Variants in TSC1 observed in about 807,000 individuals in gnomAD.
TSC1 encodes the protein TSC complex subunit 1.
In TSC1, 20 loss-of-function variants were observed where a neutral mutation model predicts 124.3. That is an observed-to-expected ratio of 0.16 (90% CI 0.11 to 0.23). The LOEUF (loss-of-function observed/expected upper bound fraction) is 0.23, where lower values mean the gene tolerates loss of function less well. Ranked by LOEUF, TSC1 falls within the 10% of genes least tolerant of loss-of-function variation. The pLI is 1.00. For missense variants in TSC1, 1,124 were observed against 1,448.5 expected, an observed-to-expected ratio of 0.78 and a Z score of 3.64; for synonymous variants, 493 against 539.1, an observed-to-expected ratio of 0.91 and a Z score of 1.19.
rs1845012260 is a variant in TSC1 at position 132,896,008 on chromosome 9, G to A, written c.*227C>T. On this transcript the variant is annotated 3_prime_UTR_variant, in exon 23 of 23. Coordinates refer to ENST00000298552, the MANE Select transcript of TSC1 (RefSeq NM_000368.5). The surrounding 1 kb of genome is among the most constrained non-coding windows in gnomAD (Gnocchi z 4.5). ...GCCCTTGGATTAGAACACACTGCGAGGTAAATGAGAGGGGGTTAGGGCGGG... is the reference window on the plus strand; with the variant it reads ...GCCCTTGGATTAGAACACACTGCGAAGTAAATGAGAGGGGGTTAGGGCGGG... 3 of 611,628 alleles carry A rather than the reference G, an allele frequency of 4.9e-6. No homozygotes were observed. The highest frequency in any genetic ancestry group is 1.9e-5 in the South Asian group (1 of 53,884). The allele number at this position is 611,628 out of a possible 1,614,324, so 37.9% of individuals were successfully genotyped here.
chr9:132,921,215 A>C lies in TSC1; in HGVS notation c.737+148T>G. ...GAAGAGTATGTTTTAAACTCACACA[A>C]ATTTTAGCTGTATGAGTGCTTCCAA... On this transcript the variant is annotated intron_variant, in intron 8 of 22. Transcript: ENST00000298552. The surrounding 1 kb of genome is among the most constrained non-coding windows in gnomAD (Gnocchi z 4.3). 1.2e-6 allele frequency: 1 copy of C among 812,106 alleles called. No individual in the cohort carries two copies. The allele number at this position is 812,106 out of a possible 1,614,324, so 50.3% of individuals were successfully genotyped here.
chr9:132,913,917 T>TA (rs1564491584), intron 8 of TSC1, among the ~76,000 whole-genome samples: 2 of 95,518 alleles, frequency 2.1e-5, no homozygotes, highest in African/African-American at 3.8e-5. Flanking sequence ...TTTTTTTTTT[T>TA]AGACAGAGTC....
chr9:132,914,202 G>A (rs903481524), intron 8 of TSC1, among the ~76,000 whole-genome samples: 1 of 152,028 alleles, frequency 6.6e-6, no homozygotes, highest in African/African-American at 2.4e-5. Context: ...ACCCGGCCAA[G>A]AATATTTTTA....
At chr9:132,941,923 C>T (rs145560899) in intron 1 of TSC1, 3 of 152,332 alleles carry the variant, frequency 2.0e-5, no homozygotes, top group East Asian at 3.9e-4. Flanking sequence ...GACACAGGCT[C>T]ACAGAACTTA....
intron 12 of TSC1, among the ~76,000 whole-genome samples, chr9:132,908,261 C>T (rs1318362374): frequency 1.3e-5 from 2 of 152,004 alleles, no homozygotes; most frequent in Admixed American, 1.3e-4. Flanking sequence ...ACTATATTTC[C>T]CGAAATAAAA....
At chr9:132,897,059 C>A (rs774226754) in intron 22 of TSC1, 125 bp downstream of exon 22, 4 of 1,482,066 alleles carry the variant, frequency 2.7e-6, no homozygotes, top group Non-Finnish European at 2.8e-6. Context: ...GTCTCTGACA[C>A]GGAGTGAGCT....
intron 9 of TSC1, among the ~76,000 whole-genome samples, chr9:132,912,049 A>G (rs1042558395): frequency 2.2e-4 from 34 of 152,216 alleles, no homozygotes; most frequent in Non-Finnish European, 4.3e-4. Flanking sequence ...TGTTGGAGAC[A>G]CGTCACCAAC....
Position 132,906,960 on chromosome 9 carries a change from A to T in TSC1, c.1334-125T>A, listed in dbSNP as rs565831083. The T allele has an allele frequency of 2.5e-6, 2 of 806,970 alleles. No individual in the cohort carries two copies. The highest frequency in any genetic ancestry group is 5.3e-5 in the East Asian group (2 of 37,952). The allele number at this position is 806,970 out of a possible 1,614,324, so 50.0% of individuals were successfully genotyped here. A position where few individuals can be genotyped will look rare whatever the true frequency, so the allele number is the denominator to read the frequency against. On this transcript the variant is annotated intron_variant, in intron 13 of 22. Coordinates refer to ENST00000298552, the MANE Select transcript of TSC1 (RefSeq NM_000368.5). This position sits in a 1 kb window ranked among gnomAD's most constrained non-coding sequence, Gnocchi z 4.1. ...TCATGCTGAACAGAGAAGGCTGGAC[A>T]TGGCTCTGTCCTGGGGATACTACAA...
At chr9:132,907,979 C>T (rs956247707) in intron 12 of TSC1, among the ~76,000 whole-genome samples, 1 of 152,082 alleles carries the variant, frequency 6.6e-6, no homozygotes, top group Non-Finnish European at 1.5e-5. Flanking sequence ...CCCAACTACC[C>T]AGGAGGCTGA....
rs1844775044 is a variant in TSC1, at chr9:132,891,631, G to T, written c.*4604C>A. 4.3e-6 allele frequency: 1 copy of T among 233,424 alleles called. No individual in the cohort carries two copies. The highest frequency in any genetic ancestry group is 1.8e-4 in the South Asian group (1 of 5,520). 14.5% of individuals were successfully genotyped at this position (233,424 alleles called of 1,614,324 possible). ...AAAAAATCAGTTTCTTTCACTGATG[G>T]GACCCCTTTAAACTGCAAGTTTGCC... On this transcript the variant is annotated 3_prime_UTR_variant, in exon 23 of 23. Transcript: ENST00000298552.
chr9:132,905,592 C>T lies in TSC1; in HGVS notation c.1986G>A (p.Lys662=), dbSNP rs2131807682. 6.2e-7 allele frequency: 1 copy of T among 1,614,136 alleles called. No homozygotes were observed. The highest frequency in any genetic ancestry group is 1.7e-4 in the Middle Eastern group (1 of 5,976). The change falls in exon 15 of 23, where the codon AAG becomes AAA. Residue 662 remains lysine (K), a synonymous_variant. Transcript: ENST00000298552. The part of the protein sequence containing the change: ...LIQQGADAHS[K]ELNKLPLPSK... ...CCCCAGTCCCTTACTTGTTCAGCTC[C>T]TTGCTGTGCGCGTCTGCTCCCTGCT...
In TSC1 at chr9:132,896,079, G is replaced by A. The variant is rs887636312; in HGVS notation, c.*156C>T. Reference sequence around the variant, plus strand: ...CATTTCAATGCCAGATCCAAAAACCGTTCTGCATTCAGTCAGCTGTCCAAA... The same window carrying A: ...CATTTCAATGCCAGATCCAAAAACCATTCTGCATTCAGTCAGCTGTCCAAA... On this transcript the variant is annotated 3_prime_UTR_variant, in exon 23 of 23. Coordinates refer to ENST00000298552, the MANE Select transcript of TSC1 (RefSeq NM_000368.5). This position sits in a 1 kb window ranked among gnomAD's most constrained non-coding sequence, Gnocchi z 4.5. 4 of 1,125,918 alleles carry A rather than the reference G, an allele frequency of 3.6e-6. No homozygotes were observed. The highest frequency in any genetic ancestry group is 3.0e-5 in the African/African-American group (2 of 65,734). 69.7% of individuals were successfully genotyped at this position (1,125,918 alleles called of 1,614,324 possible). A position where few individuals can be genotyped will look rare whatever the true frequency, so the allele number is the denominator to read the frequency against.
intron 1 of TSC1, among the ~76,000 whole-genome samples, chr9:132,936,703 C>T (rs1002340458): frequency 6.6e-6 from 1 of 152,180 alleles, no homozygotes; most frequent in Non-Finnish European, 1.5e-5. Flanking sequence ...CCATCTGGGA[C>T]ACCTAGGGCC....
chr9:132,937,260 A>G (rs895356093), intron 1 of TSC1, among the ~76,000 whole-genome samples: 3 of 152,104 alleles, frequency 2.0e-5, no homozygotes, highest in African/African-American at 4.8e-5. Context: ...CCTAACCAAC[A>G]TGGAGAAACC....
rs774398322 is a variant in TSC1, at chr9:132,921,933, A to C, written c.549T>G (p.Ser183Arg). ...AAAGGCGATGAAAGAGTGCGTACAC[A>C]CTGGCATGGAGATGGACGAGATAGA... The part of the protein sequence containing the change: ...AEVYLVHLHA[S>R]VYALFHRLYG... The change falls in exon 7 of 23, where the codon AGT (serine) becomes AGG (arginine). Residue 183 changes from serine (S) to arginine (R), a missense_variant. By Grantham distance (110) the Ser-to-Arg change is moderately radical. This residue lies in a region of TSC1 where 463 missense variants were observed against 606.8 expected (regional missense o/e 0.76). Coordinates refer to ENST00000298552, the MANE Select transcript of TSC1 (RefSeq NM_000368.5). The surrounding 1 kb of genome is among the most constrained non-coding windows in gnomAD (Gnocchi z 4.3). 1 of 1,614,066 alleles carries C rather than the reference A, an allele frequency of 6.2e-7. No homozygotes were observed.
At position 132,923,924 on chromosome 9, in the gene TSC1, A is replaced by C. The variant is rs762686782; in HGVS notation, c.364-432T>G. On this transcript the variant is annotated intron_variant, in intron 5 of 22. Transcript: ENST00000298552. The surrounding 1 kb of genome is among the most constrained non-coding windows in gnomAD (Gnocchi z 4.2). ...ACTTTTTGTTAATTAAAAAAAAAAAAAACTGCACATTGACAAGTAACTTAC... is the reference window on the plus strand; with the variant it reads ...ACTTTTTGTTAATTAAAAAAAAAAACAACTGCACATTGACAAGTAACTTAC... Among the ~76,000 whole-genome samples the C allele has an allele frequency of 3.3e-5, 5 of 152,292 alleles. No homozygotes were observed. Among genetic ancestry groups the C allele is most frequent in the East Asian group, 3.9e-4 (2 of 5,192 alleles).
intron 4 of TSC1, chr9:132,925,946 T>A: frequency 3.2e-6 from 2 of 630,318 alleles, no homozygotes; most frequent in Non-Finnish European, 2.7e-6. Context: ...GGCAGCCAGT[T>A]TGCAGCTCAT....
At chr9:132,933,222 T>C (rs375842336) in intron 2 of TSC1, among the ~76,000 whole-genome samples, 1 of 152,142 alleles carries the variant, frequency 6.6e-6, no homozygotes, top group African/African-American at 2.4e-5. Context: ...CACACCACCA[T>C]GCCTGGCTAA....
At chr9:132,899,645 G>GTTTGGT (rs1845263637) in intron 20 of TSC1, 1 of 152,204 alleles carries the variant, frequency 6.6e-6, no homozygotes, top group African/African-American at 2.4e-5. Flanking sequence ...CCCAGCCCTA[G>GTTTGGT]TTTGGTTTTT....
Sources: gnomAD v4.1 joint callset for allele counts (sites outside exome capture counted in the v4.1 genomes callset) on GRCh38, gnomAD v4.1.1 for gene constraint, gnomAD v4.1.1 regional missense constraint, Gnocchi (gnomAD v3.1) non-coding constraint, MANE v1.5 for transcripts, NCBI Gene and HGNC (gene_info 2026-07-23, HGNC 2026-07-21) for gene names.